Variants in VSNL1 observed in about 807,000 individuals in gnomAD.
VSNL1 encodes the protein visinin like 1.
VSNL1 carries 6 observed loss-of-function variants against 20.4 expected under a neutral mutation model. That is an observed-to-expected ratio of 0.29 (90% CI 0.16 to 0.58). The LOEUF is 0.58. Ranked by LOEUF, VSNL1 falls within the 20% of genes least tolerant of loss-of-function variation. VSNL1 has a pLI of 0.90. For missense variants in VSNL1, 100 were observed against 234.5 expected (o/e 0.43, Z 3.75); for synonymous variants, 93 against 86.4 (o/e 1.08, Z -0.42).
chr2:17,612,024 A>G (rs1665101578), intron 2 of VSNL1, among the ~76,000 whole-genome samples: 1 of 152,164 alleles, frequency 6.6e-6, no homozygotes, highest in Non-Finnish European at 1.5e-5. Context: ...GTCATTTGTC[A>G]GGGAGAGGAC....
At chr2:17,602,707 C>A (rs1449022516) in intron 2 of VSNL1, among the ~76,000 whole-genome samples, 2 of 151,444 alleles carry the variant, frequency 1.3e-5, no homozygotes, top group African/African-American at 4.9e-5. Context: ...GCCATTGCAC[C>A]CCAAGCTGGA....
intron 1 of VSNL1, among the ~76,000 whole-genome samples, chr2:17,566,001 G>A (rs561379820): frequency 2.0e-5 from 3 of 152,106 alleles, no homozygotes; most frequent in Non-Finnish European, 4.4e-5. Context: ...TGCTGTGATT[G>A]TAAGTTTCCT....
chr2:17,560,407 A>G (rs1215201671), intron 1 of VSNL1, among the ~76,000 whole-genome samples: 1 of 152,148 alleles, frequency 6.6e-6, no homozygotes, highest in Non-Finnish European at 1.5e-5. Context: ...TGGAATAGGC[A>G]TATGAATAGA....
intron 2 of VSNL1, among the ~76,000 whole-genome samples, chr2:17,605,286 A>G (rs760316952): frequency 5.9e-5 from 9 of 152,176 alleles, no homozygotes; most frequent in Admixed American, 1.3e-4. Context: ...GCTCCAGGGG[A>G]CTATGCCCCC....
chr2:17,545,216 G>T (rs2103334393), intron 1 of VSNL1, among the ~76,000 whole-genome samples: 1 of 152,014 alleles, frequency 6.6e-6, no homozygotes, highest in East Asian at 1.9e-4. Flanking sequence ...CTGAAACCAT[G>T]TGCACAATTA....
chr2:17,562,892 A>T (rs1217128725), intron 1 of VSNL1, among the ~76,000 whole-genome samples: 2 of 152,080 alleles, frequency 1.3e-5, no homozygotes, highest in Non-Finnish European at 2.9e-5. Flanking sequence ...AAGGCTGATT[A>T]TTTTTACCTC....
chr2:17,569,097 A>G (rs1446644652), intron 1 of VSNL1, among the ~76,000 whole-genome samples: 1 of 152,184 alleles, frequency 6.6e-6, no homozygotes, highest in African/African-American at 2.4e-5. Context: ...CACTGAGGTC[A>G]GGAGTTTGAG....
At chr2:17,591,947 A>G (rs1664600975) in intron 1 of VSNL1, 123 bp from the exon 2 acceptor site, 2 of 967,338 alleles carry the variant, frequency 2.1e-6, no homozygotes, top group Non-Finnish European at 3.1e-6. Context: ...TTGGGAAGAT[A>G]TGCATCAGCC....
intron 1 of VSNL1, among the ~76,000 whole-genome samples, chr2:17,588,611 CT>C (rs1377091838): frequency 6.6e-6 from 1 of 152,220 alleles, no homozygotes; most frequent in Non-Finnish European, 1.5e-5. Context: ...TCTAACTACA[CT>C]TTCATTCATT....
intron 1 of VSNL1, among the ~76,000 whole-genome samples, chr2:17,551,224 C>G (rs1268827768): frequency 6.6e-6 from 1 of 152,118 alleles, no homozygotes; most frequent in Admixed American, 6.5e-5. Context: ...CTTCTCTGCC[C>G]CCTCCCTAGA....
intron 1 of VSNL1, among the ~76,000 whole-genome samples, chr2:17,549,998 GACTT>G (rs1663491717): frequency 6.6e-6 from 1 of 152,158 alleles, no homozygotes; most frequent in Non-Finnish European, 1.5e-5. Flanking sequence ...AGCTGTGGAA[GACTT>G]ACTTCTCTGA....
intron 1 of VSNL1, among the ~76,000 whole-genome samples, chr2:17,556,001 T>G (rs1042543699): frequency 3.9e-5 from 6 of 152,178 alleles, no homozygotes; most frequent in African/African-American, 1.4e-4. Context: ...GTTACACGAG[T>G]GTTAAAATGA....
intron 1 of VSNL1, among the ~76,000 whole-genome samples, chr2:17,565,829 G>A (rs954100386): frequency 1.2e-4 from 18 of 152,182 alleles, no homozygotes; most frequent in Middle Eastern, 3.2e-3. Flanking sequence ...GGAGGGACCA[G>A]GTGGACTTAA....
In VSNL1 at chr2:17,588,321, G is replaced by A. The variant is rs565636558; in HGVS notation, c.-5-3749G>A. Among the ~76,000 whole-genome samples the A allele has an allele frequency of 7.2e-5, 11 of 152,308 alleles. No homozygotes were observed. In the South Asian group the frequency reaches 1.9e-3, roughly 26 times the overall value. ...ATGTGGGAAATCAGTGAATGGTAGAGTTGGAAAGGCCTTAAAGATCATCTG... is the reference window on the plus strand; with the variant it reads ...ATGTGGGAAATCAGTGAATGGTAGAATTGGAAAGGCCTTAAAGATCATCTG... On this transcript the variant is annotated intron_variant, in intron 1 of 3. Transcript: ENST00000295156.
intron 2 of VSNL1, among the ~76,000 whole-genome samples, chr2:17,643,597 A>AGCAAT (rs1167721414): frequency 6.6e-6 from 1 of 152,310 alleles, no homozygotes; most frequent in African/African-American, 2.4e-5. Flanking sequence ...CAGAGATTAC[A>AGCAAT]GCAATGGCAA....
At chr2:17,633,428 A>G (rs149942279) in intron 2 of VSNL1, among the ~76,000 whole-genome samples, 4 of 151,306 alleles carry the variant, frequency 2.6e-5, no homozygotes, top group African/African-American at 9.7e-5. Flanking sequence ...CTGAGGCACA[A>G]GAATTGCTTG....
At chr2:17,574,835 C>T (rs1013062901) in intron 1 of VSNL1, among the ~76,000 whole-genome samples, 6 of 152,122 alleles carry the variant, frequency 3.9e-5, no homozygotes, top group Admixed American at 6.6e-5. Flanking sequence ...GCTGTGATCA[C>T]GGCTCACTGC....
At chr2:17,565,769 C>T (rs1264146148) in intron 1 of VSNL1, among the ~76,000 whole-genome samples, 1 of 151,954 alleles carries the variant, frequency 6.6e-6, no homozygotes, top group Non-Finnish European at 1.5e-5. Flanking sequence ...TGGCTGTGTC[C>T]CCACCCAAAT....
chr2:17,586,659 G>A (rs957314893), intron 1 of VSNL1, among the ~76,000 whole-genome samples: 1 of 139,772 alleles, frequency 7.2e-6, no homozygotes, highest in Non-Finnish European at 1.7e-5. Flanking sequence ...TCTCCTGGAA[G>A]ATTCTTACAA....
Sources: gnomAD v4.1 joint callset for allele counts (sites outside exome capture counted in the v4.1 genomes callset) on GRCh38, gnomAD v4.1.1 for gene constraint, MANE v1.5 for transcripts, NCBI Gene and HGNC (gene_info 2026-07-23, HGNC 2026-07-21) for gene names.